Variants in H3-3A observed in about 807,000 individuals in gnomAD.
H3-3A encodes histone H3.3.
For missense variants in H3-3A, 7 were observed against 184.0 expected (o/e 0.04, Z 5.57); for synonymous variants, 49 against 61.4 (o/e 0.80, Z 0.95).
At chr1:226,068,143 G>A (rs147487676) in intron 3 of H3-3A, among the ~76,000 whole-genome samples, 5 of 152,202 alleles carry the variant, frequency 3.3e-5, no homozygotes, top group African/African-American at 9.6e-5. Context: ...ATAAATTAGT[G>A]TGGCAGTCTT....
At chr1:226,062,479 G>T (rs1320661513), upstream of H3-3A, among the ~76,000 whole-genome samples, 14 of 150,118 alleles carry the variant, frequency 9.3e-5, no homozygotes, top group East Asian at 2.6e-3. Flanking sequence ...GCCCCTCAGC[G>T]TGTCTTTTGT....
chr1:226,066,129 A>C, intron 3 of H3-3A: 1 of 451,174 alleles, frequency 2.2e-6, no homozygotes, highest in Non-Finnish European at 4.0e-6. Flanking sequence ...CAGGACATTA[A>C]GAAGAACTTG....
chr1:226,064,561 A>G, intron 2 of H3-3A, 82 bp downstream of exon 2: 1 of 1,243,988 alleles, frequency 8.0e-7, no homozygotes, highest in Non-Finnish European at 1.1e-6. Flanking sequence ...GATAACAGGA[A>G]AACTTTTTGC....
chr1:226,069,437 T>C (rs1553261047), intron 3 of H3-3A, among the ~76,000 whole-genome samples: 2 of 152,200 alleles, frequency 1.3e-5, no homozygotes, highest in South Asian at 2.1e-4. Flanking sequence ...CTTTTCCTTA[T>C]AGAAAAGGAG....
At chr1:226,068,522 G>A (rs1046928943) in intron 3 of H3-3A, among the ~76,000 whole-genome samples, 2 of 152,134 alleles carry the variant, frequency 1.3e-5, no homozygotes, top group African/African-American at 2.4e-5. Flanking sequence ...GCTGATATGC[G>A]TTGTGAGCCC....
At chr1:226,066,227 T>C (rs940669240) in intron 3 of H3-3A, 7 of 216,200 alleles carry the variant, frequency 3.2e-5, no homozygotes, top group Non-Finnish European at 5.5e-5. Context: ...AAGAAACATA[T>C]AGGTAGAGAG....
intron 3 of H3-3A, 59 bp from the exon 4 acceptor site, chr1:226,071,292 T>C: frequency 7.1e-7 from 1 of 1,403,144 alleles, no homozygotes; most frequent in Non-Finnish European, 1.0e-6. Flanking sequence ...ATTCGTATAG[T>C]TGGGTCTTAA....
chr1:226,068,219 A>G (rs1202505072), intron 3 of H3-3A, among the ~76,000 whole-genome samples: 3 of 152,332 alleles, frequency 2.0e-5, no homozygotes, highest in East Asian at 3.9e-4. Context: ...TTGGAAATGT[A>G]TGGGTCATGG....
In H3-3A at chr1:226,070,355, C is replaced by T. The variant is rs184902009; in HGVS notation, c.283-996C>T. The stretch of plus-strand genomic sequence containing the variant: ...GGCGTGGTGGTGGGCGCCTGTAGCC[C>T]GAGCTACTCGGGAGGCTGAGGCAGG... On this transcript the variant is annotated intron_variant, in intron 3 of 3. Transcript: ENST00000366815. Among the ~76,000 whole-genome samples the T allele has an allele frequency of 1.4e-4, 21 of 152,076 alleles. No homozygotes were observed. In the East Asian group the frequency reaches 1.9e-3, roughly 14 times the overall value.
At position 226,070,081 on chromosome 1, in the gene H3-3A, C is replaced by G. The variant is rs1348808591; in HGVS notation, c.283-1270C>G. Among the ~76,000 whole-genome samples, 3 of 152,150 alleles carry G rather than the reference C, an allele frequency of 2.0e-5. 1 individual carries two copies. The highest frequency in any genetic ancestry group is 7.2e-5 in the African/African-American group (3 of 41,426). On this transcript the variant is annotated intron_variant, in intron 3 of 3. Transcript: ENST00000366815. ...ATGGGAAAAACCAGAGAAATCGATACTAGTACTAGAGGGCAACAAATGCTG... is the reference window on the plus strand; with the variant it reads ...ATGGGAAAAACCAGAGAAATCGATAGTAGTACTAGAGGGCAACAAATGCTG...
upstream of H3-3A, chr1:226,062,044 C>A (rs1422459386): frequency 6.6e-6 from 1 of 152,220 alleles, no homozygotes; most frequent in Admixed American, 6.5e-5. Context: ...GCCGAGCGCG[C>A]AGGCGGGAAG....
At chr1:226,066,636 T>G (rs1019149359) in intron 3 of H3-3A, 3 of 152,226 alleles carry the variant, frequency 2.0e-5, no homozygotes, top group African/African-American at 4.8e-5. Context: ...TTGGATTCTT[T>G]AGTTGCAAGT....
intron 3 of H3-3A, 82 bp downstream of exon 3, chr1:226,065,891 A>G (rs1458525806): frequency 3.0e-6 from 3 of 1,010,330 alleles, no homozygotes; most frequent in East Asian, 5.2e-5. Flanking sequence ...ATGTGCTTAT[A>G]TCATTTAATC....
In H3-3A at chr1:226,071,622, AAT is replaced by A; in HGVS notation, c.*145_*146del. On this transcript the variant is annotated 3_prime_UTR_variant, in exon 4 of 4. Transcript: ENST00000366815. ...CTAAGTATATGATTGCGAGTGGAAA[AAT>A]AGGGGACAGAAATCAGGTATTGGCA... The A allele has an allele frequency of 4.5e-6, 2 of 440,142 alleles. No individual in the cohort carries two copies. Among genetic ancestry groups the A allele is most frequent in the Non-Finnish European group, 7.9e-6 (2 of 253,954 alleles). 27.3% of individuals were successfully genotyped at this position (440,142 alleles called of 1,614,324 possible). A position where few individuals can be genotyped will look rare whatever the true frequency, so the allele number is the denominator to read the frequency against.
intron 3 of H3-3A, chr1:226,067,246 T>G (rs1316367740): frequency 6.6e-6 from 1 of 152,184 alleles, no homozygotes; most frequent in East Asian, 1.9e-4. Flanking sequence ...CTTTCTAAAA[T>G]TATTCACATG....
At chr1:226,069,686 C>T (rs1202691505) in intron 3 of H3-3A, among the ~76,000 whole-genome samples, 5 of 152,086 alleles carry the variant, frequency 3.3e-5, no homozygotes, top group African/African-American at 1.2e-4. Flanking sequence ...ACAAAATTAG[C>T]TGGACGTGAT....
Position 226,062,810 on chromosome 1 carries a change from G to T in H3-3A, c.-25G>T. 6.1e-6 allele frequency: 1 copy of T among 165,198 alleles called. No homozygotes were observed. Among genetic ancestry groups the T allele is most frequent in the Non-Finnish European group, 1.4e-5 (1 of 70,160 alleles). The allele number at this position is 165,198 out of a possible 1,614,324, so 10.2% of individuals were successfully genotyped here. A position where few individuals can be genotyped will look rare whatever the true frequency, so the allele number is the denominator to read the frequency against. On this transcript the variant is annotated splice_region_variant and 5_prime_UTR_variant, in exon 1 of 4. Coordinates refer to ENST00000366815, the MANE Select transcript of H3-3A (RefSeq NM_002107.7). ...CCGAGCTCCAGCCGAAGGAGAAGGG[G>T]GGTAAGTTTCCCCGTCTGCCCGCTT...
intron 3 of H3-3A, chr1:226,066,975 C>A (rs1178805484): frequency 6.6e-6 from 1 of 152,204 alleles, no homozygotes; most frequent in East Asian, 1.9e-4. Context: ...GCTGAAATTT[C>A]AACTACTAAA....
chr1:226,071,051 C>A (rs1228423740), intron 3 of H3-3A, among the ~76,000 whole-genome samples: 1 of 152,132 alleles, frequency 6.6e-6, no homozygotes, highest in Non-Finnish European at 1.5e-5. Context: ...TTATTTGTGA[C>A]ATTTCAGTTT....
Sources: allele counts gnomAD v4.1 joint callset (sites outside exome capture counted in the v4.1 genomes callset), GRCh38; gene constraint gnomAD v4.1.1; transcripts MANE v1.5; gene names NCBI Gene and HGNC (gene_info 2026-07-23, HGNC 2026-07-21).